The following TULP4 variants were observed in gnomAD, a reference collection of about 807,000 sequenced individuals.
TULP4 encodes the protein TUB like protein 4, also known as tubby-related protein 4.
A neutral mutation model predicts 129.0 loss-of-function variants in TULP4; 16 were observed. That is an observed-to-expected ratio of 0.12 (90% confidence interval 0.08 to 0.19). TULP4 has a LOEUF of 0.19. TULP4 is among the 10% of genes least tolerant of loss of function. TULP4 has a pLI of 1.00. For missense variants in TULP4, 1,842 were observed against 2,059.1 expected (o/e 0.89, Z 2.04); for synonymous variants, 998 against 854.0 (o/e 1.17, Z -2.94).
chr6:158,363,206 G>T (rs1780840614), intron 1 of TULP4, among the ~76,000 whole-genome samples: 1 of 151,998 alleles, frequency 6.6e-6, no homozygotes, highest in East Asian at 1.9e-4. Context: ...TGCTGGCTGT[G>T]TGTACAGTGT....
In TULP4 at chr6:158,385,842, C is replaced by CTTTTTTTTTTTT. The variant is rs778595442; in HGVS notation, c.253-27214_253-27203dup. ...GGAAAAGTCTACAAATGTGGAATAT[C>CTTTTTTTTTTTT]TTTTTTTTTTTTTTTTTTTTGAGAA... On this transcript the variant is annotated intron_variant, in intron 1 of 13. Transcript: ENST00000367097. Among the ~76,000 whole-genome samples the CTTTTTTTTTTTT allele has an allele frequency of 9.4e-3, 559 of 59,562 alleles. 99 individuals are homozygous for CTTTTTTTTTTTT. The highest frequency in any genetic ancestry group is 0.014 in the Non-Finnish European group (451 of 32,814). The allele number at this position is 59,562 out of a possible 152,430, so 39.1% of individuals were successfully genotyped here.
At position 158,380,280 on chromosome 6, in the gene TULP4, C is replaced by T. The variant is rs892463287; in HGVS notation, c.253-32785C>T. On this transcript the variant is annotated intron_variant, in intron 1 of 13. Coordinates refer to ENST00000367097, the MANE Select transcript of TULP4 (RefSeq NM_020245.5). ...GCAAGAACTACGGACAGCCCCTTGC[C>T]GGCATCCAAACTGTACAGTTCCCTT... 4.6e-5 allele frequency among the ~76,000 whole-genome samples: 7 copies of T among 152,278 alleles called. No individual in the cohort carries two copies. The East Asian group carries it at 5.8e-4, about 13-fold the overall frequency.
intron 2 of TULP4, among the ~76,000 whole-genome samples, chr6:158,422,951 T>C (rs1778384316): frequency 6.6e-6 from 1 of 152,236 alleles, no homozygotes; most frequent in Non-Finnish European, 1.5e-5. Context: ...GGACCCAGTT[T>C]CTAATGGTCT....
At chr6:158,302,363 A>C (rs371392980) in intron 1 of TULP4, among the ~76,000 whole-genome samples, 2 of 152,230 alleles carry the variant, frequency 1.3e-5, no homozygotes, top group Non-Finnish European at 1.5e-5. Context: ...TGAGAGGCCA[A>C]TTCTTAGGTA....
chr6:158,374,161 C>T (rs1182082843), intron 1 of TULP4, among the ~76,000 whole-genome samples: 1 of 152,038 alleles, frequency 6.6e-6, no homozygotes, highest in Non-Finnish European at 1.5e-5. Flanking sequence ...CAGTAGTGCC[C>T]CTATAGCCCC....
At chr6:158,408,177 G>C (rs1778008971) in intron 1 of TULP4, among the ~76,000 whole-genome samples, 1 of 152,200 alleles carries the variant, frequency 6.6e-6, no homozygotes, top group Admixed American at 6.5e-5. Context: ...GGCCGGGACT[G>C]TGCAGAAGGT....
At chr6:158,418,313 G>GC (rs1583854458) in intron 2 of TULP4, among the ~76,000 whole-genome samples, 1 of 151,362 alleles carries the variant, frequency 6.6e-6, no homozygotes, top group East Asian at 1.9e-4. Flanking sequence ...TCACCATGTT[G>GC]CCCAGGCTGT....
At chr6:158,280,561 T>A (rs1373589218), upstream of TULP4, among the ~76,000 whole-genome samples, 1 of 152,272 alleles carries the variant, frequency 6.6e-6, no homozygotes, top group African/African-American at 2.4e-5. Flanking sequence ...ATAGTTTGAT[T>A]TCCACTTAAA....
At chr6:158,260,983 G>T (rs191161562) in intron 1 of TULP4, among the ~76,000 whole-genome samples, 5 of 152,054 alleles carry the variant, frequency 3.3e-5, no homozygotes, top group African/African-American at 1.2e-4. Flanking sequence ...ACCACGACCG[G>T]CTAATTTTTT....
chr6:158,454,018 A>ACT (rs373934513), intron 5 of TULP4, among the ~76,000 whole-genome samples: 8,582 of 114,220 alleles, frequency 0.075, 1,048 homozygotes, highest in African/African-American at 0.12. Flanking sequence ...CTGCCTCTGC[A>ACT]CCGCCCCCCC....
intron 1 of TULP4, among the ~76,000 whole-genome samples, chr6:158,326,163 G>A (rs994883080): frequency 5.3e-5 from 8 of 151,994 alleles, no homozygotes; most frequent in South Asian, 2.1e-4. Context: ...AGCCAAGTAG[G>A]GTACTATGAT....
chr6:158,255,733 G>A (rs1030908736), intron 1 of TULP4, among the ~76,000 whole-genome samples: 4 of 152,200 alleles, frequency 2.6e-5, no homozygotes, highest in Non-Finnish European at 5.9e-5. Context: ...ACTAACCTTG[G>A]ACTTGTTCTG....
At chr6:158,304,756 T>G (rs930210009) in intron 1 of TULP4, among the ~76,000 whole-genome samples, 7 of 151,972 alleles carry the variant, frequency 4.6e-5, no homozygotes, top group Non-Finnish European at 1.0e-4. Flanking sequence ...AGCCTTGAGT[T>G]CCCGGGCTCA....
At chr6:158,422,723 C>A (rs553402305) in intron 2 of TULP4, among the ~76,000 whole-genome samples, 1 of 152,168 alleles carries the variant, frequency 6.6e-6, no homozygotes, top group Non-Finnish European at 1.5e-5. Context: ...CTGAAGGAGG[C>A]GATGTCAGAT....
intron 1 of TULP4, among the ~76,000 whole-genome samples, chr6:158,304,876 A>G (rs550213225): frequency 1.3e-5 from 2 of 151,850 alleles, no homozygotes; most frequent in Admixed American, 1.3e-4. Flanking sequence ...TATATTGTCC[A>G]TGCTGGTCTG....
At position 158,313,675 on chromosome 6, in the gene TULP4, A is replaced by G; in HGVS notation, c.-342A>G. ...TAACCAAGTGGAGTAAAAAGAAGAA[A>G]ACCGTTTCTTGATCACCACTTAATT... On this transcript the variant is annotated 5_prime_UTR_variant, in exon 1 of 14. Transcript: ENST00000367097. 2.2e-6 allele frequency: 1 copy of G among 446,246 alleles called. No individual in the cohort carries two copies. Among genetic ancestry groups the G allele is most frequent in the Non-Finnish European group, 3.9e-6 (1 of 255,292 alleles). The allele number at this position is 446,246 out of a possible 1,614,324, so 27.6% of individuals were successfully genotyped here. A position where few individuals can be genotyped will look rare whatever the true frequency, so the allele number is the denominator to read the frequency against.
At chr6:158,343,159 A>G (rs1774554) in intron 1 of TULP4, among the ~76,000 whole-genome samples, 141,934 of 152,068 alleles carry the variant, frequency 0.93, 66,315 homozygotes, top group Admixed American at 0.95. Flanking sequence ...TGGGCTCTGT[A>G]TGTTCTTTGT....
chr6:158,351,556 G>A (rs773762724), intron 1 of TULP4, among the ~76,000 whole-genome samples: 2 of 152,088 alleles, frequency 1.3e-5, no homozygotes, highest in African/African-American at 2.4e-5. Flanking sequence ...CATTTCCTGG[G>A]AAAAACGTAG....
chr6:158,240,514 C>CG (rs1472782698), intron 1 of TULP4, among the ~76,000 whole-genome samples: 1 of 83,798 alleles, frequency 1.2e-5, no homozygotes, highest in Non-Finnish European at 2.7e-5. Flanking sequence ...GCTGGCCGGG[C>CG]GGGGGGCTGA....
Sources: gnomAD v4.1 joint callset for allele counts (sites outside exome capture counted in the v4.1 genomes callset) on GRCh38, gnomAD v4.1.1 for gene constraint, MANE v1.5 for transcripts, NCBI Gene and HGNC (gene_info 2026-07-23, HGNC 2026-07-21) for gene names.